RHCE: variants seen among roughly 807,000 people sequenced by gnomAD.
RHCE encodes Rh blood group CcEe antigens, also known as blood group Rh(CE) polypeptide.
A neutral mutation model predicts 43.8 loss-of-function variants in RHCE; 22 were observed. That is an observed-to-expected ratio of 0.50 (90% CI 0.36 to 0.72). The LOEUF (loss-of-function observed/expected upper bound fraction) is 0.72. Among genes scored for constraint, RHCE ranks in the 30% least tolerant of loss-of-function variants. The pLI, the probability that RHCE is intolerant of heterozygous loss-of-function variation, is 0.00. For missense variants in RHCE, 385 were observed against 525.4 expected (o/e 0.73, Z 2.61); for synonymous variants, 156 against 210.7 (o/e 0.74, Z 2.25).
intron 3 of RHCE, among the ~76,000 whole-genome samples, chr1:25,395,564 C>G (rs1412666395): frequency 6.6e-6 from 1 of 152,016 alleles, no homozygotes; most frequent in Non-Finnish European, 1.5e-5. Context: ...CACAGATACA[C>G]CTTTATGGTT....
At chr1:25,407,644 G>C (rs1646956114) in intron 2 of RHCE, among the ~76,000 whole-genome samples, 1 of 123,494 alleles carries the variant, frequency 8.1e-6, no homozygotes, top group African/African-American at 2.5e-5. Context: ...AGATTCAGAG[G>C]TTTGAACAAA....
At position 25,362,338 on chromosome 1, in the gene RHCE, TTA is replaced by T; in HGVS notation, c.*187_*188del. Reference sequence around the variant, plus strand: ...ATGAAACTAAACATTTATTTTAAACTTATTAAATTGACTCTTAAACTAAGTTT... The same window carrying T: ...ATGAAACTAAACATTTATTTTAAACTTTAAATTGACTCTTAAACTAAGTTT... On this transcript the variant is annotated 3_prime_UTR_variant, in exon 10 of 10. Coordinates refer to ENST00000294413, the MANE Select transcript of RHCE (RefSeq NM_020485.8). 7.7e-7 allele frequency: 1 copy of T among 1,296,320 alleles called. No individual in the cohort carries two copies. Among genetic ancestry groups the T allele is most frequent in the Non-Finnish European group, 1.1e-6 (1 of 933,416 alleles). The allele number at this position is 1,296,320 out of a possible 1,614,324, so 80.3% of individuals were successfully genotyped here.
intron 7 of RHCE, chr1:25,385,426 G>A: frequency 2.1e-6 from 1 of 479,804 alleles, no homozygotes; most frequent in Non-Finnish European, 3.9e-6. Flanking sequence ...ATTGGCTTGG[G>A]CCTATTTGAC....
chr1:25,386,845 ACACACACACACACACACAC>A (rs1557613203), intron 6 of RHCE, among the ~76,000 whole-genome samples: 2 of 71,592 alleles, frequency 2.8e-5, no homozygotes, highest in African/African-American at 7.4e-5. Context: ...ACAACAAAAC[ACACACACACACACACACAC>A]ACACACACAC....
chr1:25,411,757 G>A (rs1475860770), intron 1 of RHCE, among the ~76,000 whole-genome samples: 1 of 152,144 alleles, frequency 6.6e-6, no homozygotes, highest in African/African-American at 2.4e-5. Context: ...ATTCCCTCAG[G>A]AGCCAAGCAG....
chr1:25,377,221 T>A (rs28495514), intron 7 of RHCE, among the ~76,000 whole-genome samples: 1 of 152,026 alleles, frequency 6.6e-6, no homozygotes, highest in Non-Finnish European at 1.5e-5. Flanking sequence ...TAGAAAAAAA[T>A]TCAGGGGGAC....
At chr1:25,401,384 T>C (rs1397379486) in intron 3 of RHCE, among the ~76,000 whole-genome samples, 4 of 152,172 alleles carry the variant, frequency 2.6e-5, no homozygotes, top group African/African-American at 9.7e-5. Context: ...CACTTTCTTC[T>C]AAGCCAGGCT....
At chr1:25,428,413 G>C (rs948220615) in intron 2 of RHCE, among the ~76,000 whole-genome samples, 1 of 152,150 alleles carries the variant, frequency 6.6e-6, no homozygotes, top group Non-Finnish European at 1.5e-5. Context: ...GCAGCTGAAG[G>C]CTTTTTTCTA....
chr1:25,402,691 A>G lies in RHCE; in HGVS notation c.391T>C (p.Leu131=). 5.6e-6 allele frequency: 9 copies of G among 1,614,020 alleles called. No homozygotes were observed. The highest frequency in any genetic ancestry group is 7.6e-6 in the Non-Finnish European group (9 of 1,180,004). ...MSVLISAGAV[L]GKVNLAQLVV... is the part of the protein sequence containing the mutation. Reference sequence around the variant, plus strand: ...AACTGCGCCAAGTTGACCTTCCCCAAGACAGCACCCGCTGAGATCAGCACC... The same window carrying G: ...AACTGCGCCAAGTTGACCTTCCCCAGGACAGCACCCGCTGAGATCAGCACC... The change falls in exon 3 of 10, where the codon TTG becomes CTG. Residue 131 remains leucine (L), a synonymous_variant. Coordinates refer to ENST00000294413, the MANE Select transcript of RHCE (RefSeq NM_020485.8).
intron 2 of RHCE, among the ~76,000 whole-genome samples, chr1:25,404,402 C>T (rs549062080): frequency 1.5e-3 from 220 of 142,518 alleles, no homozygotes; most frequent in African/African-American, 5.1e-3. Context: ...CCGCTTAAGC[C>T]TCAAGGACTT....
chr1:25,380,108 G>A (rs1024813612), intron 7 of RHCE, among the ~76,000 whole-genome samples: 9 of 144,954 alleles, frequency 6.2e-5, no homozygotes, highest in Admixed American at 5.0e-4. Context: ...CTGTAAGCCT[G>A]TAAAGTCAAA....
At chr1:25,424,257 C>T (rs534711381), upstream of RHCE, among the ~76,000 whole-genome samples, 6 of 152,276 alleles carry the variant, frequency 3.9e-5, no homozygotes, top group African/African-American at 1.2e-4. Flanking sequence ...TTCCTACTTA[C>T]CATGGCTTTA....
At chr1:25,390,523 A>C (rs1384325294) in intron 5 of RHCE, among the ~76,000 whole-genome samples, 7 of 152,118 alleles carry the variant, frequency 4.6e-5, no homozygotes, top group Non-Finnish European at 8.8e-5. Context: ...GGATGGATTT[A>C]ATCACTCCCC....
rs193201739 is a variant in RHCE at position 25,383,536 on chromosome 1, A to G, written c.1073+2175T>C. On this transcript the variant is annotated intron_variant, in intron 7 of 9. Coordinates refer to ENST00000294413, the MANE Select transcript of RHCE (RefSeq NM_020485.8). ...GGACTTATTTTCCCATTTTACAGAT[A>G]GAAAACTGAGATTTAGGGAGTTTGA... Among the ~76,000 whole-genome samples, 524 of 152,360 alleles carry G rather than the reference A, an allele frequency of 3.4e-3. 3 individuals are homozygous for G. Among genetic ancestry groups the G allele is most frequent in the Non-Finnish European group, 4.7e-3 (319 of 68,034 alleles).
At chr1:25,385,492 T>C in intron 7 of RHCE, 2 of 688,718 alleles carry the variant, frequency 2.9e-6, no homozygotes, top group South Asian at 3.0e-5. Context: ...TATACCTAGG[T>C]GGTCCTATTT....
intron 3 of RHCE, among the ~76,000 whole-genome samples, chr1:25,396,388 T>A (rs1291089104): frequency 1.3e-5 from 2 of 152,250 alleles, no homozygotes; most frequent in Admixed American, 1.3e-4. Context: ...TGTCAATTTC[T>A]CATTTTTGTT....
At chr1:25,415,444 G>A (rs1647320018) in intron 1 of RHCE, among the ~76,000 whole-genome samples, 2 of 152,202 alleles carry the variant, frequency 1.3e-5, no homozygotes, top group Admixed American at 1.3e-4. Context: ...CCTGAGGTTG[G>A]GAGTTCGAGA....
At chr1:25,383,825 T>G (rs1379434734) in intron 7 of RHCE, among the ~76,000 whole-genome samples, 3 of 152,216 alleles carry the variant, frequency 2.0e-5, no homozygotes, top group Admixed American at 1.3e-4. Context: ...CAAGTCCATG[T>G]GCAGTGACGT....
intron 7 of RHCE, among the ~76,000 whole-genome samples, chr1:25,376,487 C>T (rs928450186): frequency 2.6e-5 from 4 of 152,198 alleles, no homozygotes; most frequent in African/African-American, 9.7e-5. Flanking sequence ...GTGGACCCCA[C>T]CTTGTATGTC....
Sources: gnomAD v4.1 joint callset for allele counts (sites outside exome capture counted in the v4.1 genomes callset) on GRCh38, gnomAD v4.1.1 for gene constraint, MANE v1.5 for transcripts, NCBI Gene and HGNC (gene_info 2026-07-23, HGNC 2026-07-21) for gene names.